Variants in DGKK observed in about 807,000 individuals in gnomAD.
The protein encoded by DGKK is diacylglycerol kinase kappa.
Under a neutral mutation model 92.2 loss-of-function variants are expected in DGKK, and 35 were observed. That is an observed-to-expected ratio of 0.38 (90% CI 0.29 to 0.50). The LOEUF is 0.50. Ranked by LOEUF, DGKK falls within the 20% of genes least tolerant of loss-of-function variation. DGKK has a pLI of 0.92. For synonymous variants in DGKK, 368 were observed against 360.6 expected (o/e 1.02, Z -0.23); for missense variants, 910 against 992.2 (o/e 0.92, Z 1.11).
At chrX:50,456,583 A>G (rs1557232904) in intron 1 of DGKK, among the ~76,000 whole-genome samples, 2 of 112,175 alleles carry the variant, frequency 1.8e-5, no homozygotes, top group African/African-American at 6.5e-5. Flanking sequence ...CTTTAGTGTT[A>G]TTATGCTGTA....
chrX:50,424,478 T>G (rs1368886244), intron 1 of DGKK, 120 bp from the exon 2 acceptor site: 4 of 603,871 alleles, frequency 6.6e-6, no homozygotes, highest in Admixed American at 3.6e-5. Flanking sequence ...ATCTGAGAAA[T>G]GGCCTGAAGG....
intron 4 of DGKK, among the ~76,000 whole-genome samples, chrX:50,409,778 AGGTGAT>A (rs781909944): frequency 1.4e-3 from 153 of 111,473 alleles, no homozygotes; most frequent in African/African-American, 4.8e-3. Context: ...CTAACCCTCT[AGGTGAT>A]GGTATTAGGA....
intron 1 of DGKK, among the ~76,000 whole-genome samples, chrX:50,465,190 A>C (rs782377220): frequency 9.0e-6 from 1 of 111,471 alleles, no homozygotes; most frequent in Non-Finnish European, 1.9e-5. Context: ...TTCATCTTAA[A>C]ATTTTTCTTT....
At position 50,378,086 on chromosome X, in the gene DGKK, T is replaced by G. The variant is rs1436300241; in HGVS notation, c.3111+12A>C. ...GCAGTATAGGAGCCCAAGACAAGAT[T>G]TTCCCCCTTACCCGATCTCTTGTCA... is the stretch of plus-strand genomic sequence containing the variant. On this transcript the variant is annotated intron_variant, in intron 22 of 27. Coordinates refer to ENST00000611977, the MANE Select transcript of DGKK (RefSeq NM_001013742.4). 4 of 1,201,654 alleles carry G rather than the reference T, an allele frequency of 3.3e-6. No individual in the cohort carries two copies. The Admixed American group carries it at 9.0e-5, about 27-fold the overall frequency.
chrX:50,390,304 G>C (rs781945448), intron 12 of DGKK, 24 bp downstream of exon 12: 13 of 1,191,013 alleles, frequency 1.1e-5, no homozygotes, highest in Non-Finnish European at 1.5e-5. Context: ...ATATTGGTCT[G>C]AATTACAGCT....
In DGKK at chrX:50,374,929, T is replaced by A. The variant is rs1448063695; in HGVS notation, c.3501+42A>T. 1.6e-5 allele frequency: 18 copies of A among 1,095,370 alleles called. No individual in the cohort carries two copies. In the East Asian group the frequency reaches 5.2e-4, roughly 31 times the overall value. The allele number at this position is 1,095,370 out of a possible 1,213,427, so 90.3% of individuals were successfully genotyped here. On this transcript the variant is annotated intron_variant, in intron 25 of 27. Coordinates refer to ENST00000611977, the MANE Select transcript of DGKK (RefSeq NM_001013742.4). ...GCACAAGACCATGACCATGTTCAGATAGAATACTTTGCCCTCCCAGACTCC... is the reference window on the plus strand; with the variant it reads ...GCACAAGACCATGACCATGTTCAGAAAGAATACTTTGCCCTCCCAGACTCC...
At chrX:50,374,227 G>A (rs896905532) in intron 25 of DGKK, among the ~76,000 whole-genome samples, 5 of 111,874 alleles carry the variant, frequency 4.5e-5, no homozygotes, top group Non-Finnish European at 9.4e-5. Flanking sequence ...AATGTGACTG[G>A]TGTCCTTATA....
intron 1 of DGKK, among the ~76,000 whole-genome samples, chrX:50,460,001 T>C (rs1926704402): frequency 8.9e-6 from 1 of 112,324 alleles, no homozygotes; most frequent in African/African-American, 3.2e-5. Context: ...AATAATATGT[T>C]AAATGTACAT....
At chrX:50,371,494 A>G (rs1386305865) in intron 26 of DGKK, among the ~76,000 whole-genome samples, 1 of 111,317 alleles carries the variant, frequency 9.0e-6, no homozygotes, top group Non-Finnish European at 1.9e-5. Context: ...CTTTCTGGTT[A>G]TTTTTCCACA....
chrX:50,389,781 A>G (rs1353627035), intron 12 of DGKK, among the ~76,000 whole-genome samples: 2 of 110,212 alleles, frequency 1.8e-5, no homozygotes, highest in African/African-American at 6.6e-5. Flanking sequence ...TGAATATTCC[A>G]TGCTCTCCCT....
At chrX:50,382,345 G>A (rs1257877349) in intron 18 of DGKK, 151 bp downstream of exon 18, 8 of 420,647 alleles carry the variant, frequency 1.9e-5, no homozygotes, top group Non-Finnish European at 2.8e-5. Flanking sequence ...GGCACACACT[G>A]TCCCGCTAGA....
intron 7 of DGKK, 128 bp downstream of exon 7, chrX:50,402,933 A>T: frequency 1.1e-6 from 1 of 894,538 alleles, no homozygotes; most frequent in Non-Finnish European, 1.5e-6. Context: ...TATACTATGG[A>T]ATCTGTTTAA....
chrX:50,451,713 T>C (rs958387149), intron 1 of DGKK, among the ~76,000 whole-genome samples: 5 of 111,528 alleles, frequency 4.5e-5, no homozygotes, highest in Non-Finnish European at 7.5e-5. Context: ...AAGAACTTAC[T>C]ATGAAAAAAG....
At chrX:50,450,717 A>G (rs1195780351) in intron 1 of DGKK, among the ~76,000 whole-genome samples, 2 of 111,848 alleles carry the variant, frequency 1.8e-5, no homozygotes, top group Non-Finnish European at 3.8e-5. Flanking sequence ...AGCCTCCTCT[A>G]TGAAATCTCA....
intron 4 of DGKK, among the ~76,000 whole-genome samples, chrX:50,405,433 T>C (rs1410101620): frequency 9.0e-6 from 1 of 111,301 alleles, no homozygotes; most frequent in Non-Finnish European, 1.9e-5. Flanking sequence ...ACAGAGCTTT[T>C]CATTCTTGAC....
chrX:50,383,060 G>A (rs1557224609), intron 17 of DGKK, among the ~76,000 whole-genome samples: 1 of 111,917 alleles, frequency 8.9e-6, no homozygotes, highest in East Asian at 2.8e-4. Context: ...ACATTTGGAA[G>A]GAAAGACTGA....
At chrX:50,449,704 C>T (rs1403053909) in intron 1 of DGKK, among the ~76,000 whole-genome samples, 1 of 110,930 alleles carries the variant, frequency 9.0e-6, no homozygotes, top group Non-Finnish European at 1.9e-5. Context: ...TGCTCAGACA[C>T]GCATGGGGTA....
intron 8 of DGKK, among the ~76,000 whole-genome samples, chrX:50,395,191 G>T (rs968577017): frequency 1.4e-3 from 157 of 111,645 alleles, no homozygotes; most frequent in African/African-American, 4.7e-3. Flanking sequence ...GTCAAAAGGT[G>T]TTAACTTTTT....
chrX:50,419,447 G>A (rs1305814245), intron 4 of DGKK, among the ~76,000 whole-genome samples: 1 of 111,773 alleles, frequency 8.9e-6, no homozygotes, highest in Non-Finnish European at 1.9e-5. Context: ...CATCCAAATT[G>A]CCTAGAACAA....
Sources: gnomAD v4.1 joint callset for allele counts (sites outside exome capture counted in the v4.1 genomes callset) on GRCh38, gnomAD v4.1.1 for gene constraint, MANE v1.5 for transcripts, NCBI Gene and HGNC (gene_info 2026-07-23, HGNC 2026-07-21) for gene names.